STAG1: variants seen among roughly 807,000 people sequenced by gnomAD.
The protein encoded by STAG1 is cohesin subunit SA-1.
In STAG1, 26 loss-of-function variants were observed where a neutral mutation model predicts 170.9. The observed-to-expected ratio is 0.15, with a 90% CI of 0.11 to 0.21. The LOEUF (loss-of-function observed/expected upper bound fraction) is 0.21, where lower values mean the gene tolerates loss of function less well. STAG1 is among the 10% of genes least tolerant of loss of function. The probability of loss-of-function intolerance (pLI) is 1.00; values close to 1 mark genes in which losing one functional copy is unlikely to be tolerated. For synonymous variants in STAG1, 514 were observed against 497.7 expected (o/e 1.03, Z -0.44); for missense variants, 964 against 1,509.5 (o/e 0.64, Z 5.99).
At chr3:136,404,069 C>T (rs1248183931) in intron 21 of STAG1, among the ~76,000 whole-genome samples, 1 of 152,208 alleles carries the variant, frequency 6.6e-6, no homozygotes, top group Non-Finnish European at 1.5e-5. Flanking sequence ...TTGTCCTCCA[C>T]ACCAGCAATG....
intron 1 of STAG1, among the ~76,000 whole-genome samples, chr3:136,731,856 T>G (rs553599024): frequency 6.6e-6 from 1 of 152,324 alleles, no homozygotes; most frequent in East Asian, 1.9e-4. Context: ...AACATTTTAT[T>G]TGGCCTGTGC....
intron 1 of STAG1, among the ~76,000 whole-genome samples, chr3:136,749,333 GA>G (rs1165521232): frequency 6.6e-6 from 1 of 152,164 alleles, no homozygotes; most frequent in Non-Finnish European, 1.5e-5. Flanking sequence ...GCCATGTTGT[GA>G]ACTATGTGGC....
At chr3:136,345,601 A>G (rs1159210832) in intron 29 of STAG1, among the ~76,000 whole-genome samples, 1 of 151,954 alleles carries the variant, frequency 6.6e-6, no homozygotes, top group Non-Finnish European at 1.5e-5. Context: ...GTTTCTACCT[A>G]TAAAAATTCT....
chr3:136,561,321 C>T (rs1323505928), intron 5 of STAG1, among the ~76,000 whole-genome samples: 1 of 152,220 alleles, frequency 6.6e-6, no homozygotes. Context: ...GTCTTCCCCA[C>T]TCCGTGGTTA....
intron 13 of STAG1, among the ~76,000 whole-genome samples, chr3:136,457,823 T>C (rs2089160482): frequency 6.6e-6 from 1 of 152,122 alleles, no homozygotes; most frequent in Admixed American, 6.5e-5. Context: ...GGGCCAGGCA[T>C]GGTGATTCAT....
At chr3:136,565,713 C>G (rs1307363423) in intron 5 of STAG1, among the ~76,000 whole-genome samples, 1 of 152,138 alleles carries the variant, frequency 6.6e-6, no homozygotes, top group Non-Finnish European at 1.5e-5. Flanking sequence ...GGCACTCAAA[C>G]AAGTATTTGT....
At chr3:136,627,679 T>C (rs889653879) in intron 2 of STAG1, among the ~76,000 whole-genome samples, 1 of 152,146 alleles carries the variant, frequency 6.6e-6, no homozygotes, top group South Asian at 2.1e-4. Context: ...GGTCAAGGGG[T>C]ATGGAAATTC....
At chr3:136,567,059 A>G (rs760824901) in intron 5 of STAG1, among the ~76,000 whole-genome samples, 2 of 152,238 alleles carry the variant, frequency 1.3e-5, no homozygotes, top group Admixed American at 1.3e-4. Context: ...ACTAGTTAAG[A>G]GCAGTTAACT....
At chr3:136,599,126 T>C (rs1159678065) in intron 4 of STAG1, among the ~76,000 whole-genome samples, 2 of 152,142 alleles carry the variant, frequency 1.3e-5, no homozygotes, top group African/African-American at 4.8e-5. Flanking sequence ...TAAACATACA[T>C]GCATGTGTAT....
At chr3:136,527,818 C>G (rs983990302) in intron 6 of STAG1, among the ~76,000 whole-genome samples, 1 of 152,190 alleles carries the variant, frequency 6.6e-6, no homozygotes, top group African/African-American at 2.4e-5. Flanking sequence ...AGACCCTCAG[C>G]TGCAGGTCTG....
chr3:136,687,509 A>C (rs954154171), intron 1 of STAG1, among the ~76,000 whole-genome samples: 1 of 151,528 alleles, frequency 6.6e-6, no homozygotes. Context: ...GGGTCCAAAA[A>C]CTCGACCTTG....
chr3:136,431,594 G>A (rs578153537), intron 16 of STAG1, among the ~76,000 whole-genome samples: 18 of 152,176 alleles, frequency 1.2e-4, no homozygotes, highest in African/African-American at 4.3e-4. Context: ...AGCATTTCTG[G>A]TATGGGAGAT....
intron 4 of STAG1, among the ~76,000 whole-genome samples, chr3:136,595,272 T>A (rs1372517070): frequency 6.6e-6 from 1 of 152,156 alleles, no homozygotes; most frequent in Non-Finnish European, 1.5e-5. Context: ...ATAGCCATCC[T>A]CCAATACCTA....
intron 16 of STAG1, among the ~76,000 whole-genome samples, chr3:136,426,485 T>TA (rs2088128362): frequency 6.6e-6 from 1 of 152,218 alleles, no homozygotes; most frequent in Non-Finnish European, 1.5e-5. Context: ...AAAGCAAATT[T>TA]AGACTCATCA....
At chr3:136,348,434 A>G (rs1475467914) in intron 29 of STAG1, among the ~76,000 whole-genome samples, 1 of 152,070 alleles carries the variant, frequency 6.6e-6, no homozygotes, top group Non-Finnish European at 1.5e-5. Flanking sequence ...AAATGATGGG[A>G]GTCTTCCTCT....
chr3:136,727,874 A>G (rs1933775861), intron 1 of STAG1, among the ~76,000 whole-genome samples: 1 of 152,058 alleles, frequency 6.6e-6, no homozygotes, highest in Admixed American at 6.6e-5. Context: ...AATACCCACC[A>G]TGGCCGGGAG....
chr3:136,485,625 C>G (rs1261713107), intron 9 of STAG1, among the ~76,000 whole-genome samples: 1 of 152,134 alleles, frequency 6.6e-6, no homozygotes, highest in Non-Finnish European at 1.5e-5. Flanking sequence ...CACTGCTCAG[C>G]TAAGAAATAT....
chr3:136,591,338 GGAAA>G (rs1337673014), intron 4 of STAG1: 1 of 153,782 alleles, frequency 6.5e-6, no homozygotes, highest in Non-Finnish European at 1.4e-5. Flanking sequence ...AAGTAAGGAG[GGAAA>G]GAAGGAAGGA....
At chr3:136,632,648 T>C (rs766392317) in intron 1 of STAG1, among the ~76,000 whole-genome samples, 9 of 152,034 alleles carry the variant, frequency 5.9e-5, no homozygotes, top group Non-Finnish European at 1.2e-4. Flanking sequence ...GAGGAAAATA[T>C]GTTACGGACT....
Sources: allele counts gnomAD v4.1 joint callset (sites outside exome capture counted in the v4.1 genomes callset), GRCh38; gene constraint gnomAD v4.1.1; transcripts MANE v1.5; gene names NCBI Gene and HGNC (gene_info 2026-07-23, HGNC 2026-07-21).